Variants in ARHGAP11A observed in about 807,000 individuals in gnomAD.
ARHGAP11A encodes the protein rho GTPase-activating protein 11A.
A neutral mutation model predicts 60.5 loss-of-function variants in ARHGAP11A; 36 were observed. That is an observed-to-expected ratio of 0.59 (90% CI 0.46 to 0.79). The LOEUF (loss-of-function observed/expected upper bound fraction) is 0.79, where lower values mean the gene tolerates loss of function less well. Among genes scored for constraint, ARHGAP11A ranks in the 30% least tolerant of loss-of-function variants. The pLI is 0.00. For missense variants in ARHGAP11A, 1,071 were observed against 1,199.2 expected, an observed-to-expected ratio of 0.89 and a Z score of 1.58; for synonymous variants, 362 against 415.5, an observed-to-expected ratio of 0.87 and a Z score of 1.57.
At chr15:32,626,377 T>G (rs1470497043) in intron 6 of ARHGAP11A, among the ~76,000 whole-genome samples, 1 of 152,190 alleles carries the variant, frequency 6.6e-6, no homozygotes, top group Non-Finnish European at 1.5e-5. Flanking sequence ...CATCATAAGA[T>G]GGTAGAGTTG....
In ARHGAP11A at chr15:32,616,263, T is replaced by C; in HGVS notation, c.52T>C (p.Phe18Leu). 2 of 1,614,104 alleles carry C rather than the reference T, an allele frequency of 1.2e-6. No individual in the cohort carries two copies. The highest frequency in any genetic ancestry group is 1.7e-6 in the Non-Finnish European group (2 of 1,180,018). ...RLALLQHLRA[F>L]YGIKVKGVRG... is the part of the protein sequence containing the mutation. ...GGCCCTGTTGCAGCATCTGCGGGCC[T>C]TCTATGGTATTAAGGTGAAGGGTGT... is the stretch of plus-strand genomic sequence containing the variant. The change falls in exon 1 of 12, where the codon TTC (phenylalanine) becomes CTC (leucine). Residue 18 changes from phenylalanine to leucine, a missense_variant. Phe to Leu is a conservative substitution (Grantham distance 22). Coordinates refer to ENST00000361627, the MANE Select transcript of ARHGAP11A (RefSeq NM_014783.6).
intron 8 of ARHGAP11A, among the ~76,000 whole-genome samples, chr15:32,631,829 C>T (rs993695497): frequency 1.3e-5 from 2 of 151,808 alleles, no homozygotes; most frequent in African/African-American, 4.8e-5. Context: ...GCATGCACCA[C>T]CACACCCAGC....
intron 1 of ARHGAP11A, among the ~76,000 whole-genome samples, chr15:32,619,163 A>G (rs1251869105): frequency 6.8e-6 from 1 of 146,922 alleles, no homozygotes; most frequent in Non-Finnish European, 1.5e-5. Flanking sequence ...CTCATAAAAC[A>G]TAAATACTTC....
chr15:32,616,067 G>A lies in ARHGAP11A; in HGVS notation c.-145G>A. The A allele has an allele frequency of 1.7e-6, 2 of 1,205,272 alleles. No individual in the cohort carries two copies. Among genetic ancestry groups the A allele is most frequent in the East Asian group, 2.5e-5 (1 of 39,462 alleles). The allele number at this position is 1,205,272 out of a possible 1,614,324, so 74.7% of individuals were successfully genotyped here. A position where few individuals can be genotyped will look rare whatever the true frequency, so the allele number is the denominator to read the frequency against. ...AAGGAAAAGCCGTGGAAGTGGCCGG[G>A]GGTCGGGGCCGCAGAAGTGCCAGAC... On this transcript the variant is annotated 5_prime_UTR_variant, in exon 1 of 12. Coordinates refer to ENST00000361627, the MANE Select transcript of ARHGAP11A (RefSeq NM_014783.6).
intron 11 of ARHGAP11A, 62 bp downstream of exon 11, chr15:32,635,977 T>C (rs778810420): frequency 7.3e-6 from 11 of 1,510,878 alleles, no homozygotes; most frequent in African/African-American, 1.4e-5. Context: ...GCTTTTTTAA[T>C]GGCAAAACAT....
chr15:32,635,853 T>C lies in ARHGAP11A; in HGVS notation c.1421T>C (p.Ile474Thr). The C allele has an allele frequency of 2.5e-6, 4 of 1,611,368 alleles. No homozygotes were observed. The highest frequency in any genetic ancestry group is 2.5e-6 in the Non-Finnish European group (3 of 1,179,216). The change falls in exon 11 of 12, where the codon ATT becomes ACT. Residue 474 changes from isoleucine to threonine, a missense_variant. By Grantham distance (89) the Ile-to-Thr change is moderately conservative. This residue lies in a region of ARHGAP11A where 776 missense variants were observed against 760.2 expected (regional missense o/e 1.02). Transcript: ENST00000361627. ...AATCAACAAAGTTTAAAAAATCGAA[T>C]TGAATCTGTAAAAACAGGTTTGCTT... ...LANQQSLKNR[I>T]ESVKTGLLFS...
intron 8 of ARHGAP11A, among the ~76,000 whole-genome samples, chr15:32,631,274 T>C (rs2053576605): frequency 6.6e-6 from 1 of 150,684 alleles, no homozygotes; most frequent in Non-Finnish European, 1.5e-5. Flanking sequence ...CTGTAGTCCA[T>C]AGAGTATCTA....
rs560315212 is a variant in ARHGAP11A at position 32,619,277 on chromosome 15, G to T, written c.130-831G>T. Among the ~76,000 whole-genome samples the T allele has an allele frequency of 8.5e-5, 13 of 152,310 alleles. No homozygotes were observed. The East Asian group carries it at 2.3e-3, about 27-fold the overall frequency. The stretch of plus-strand genomic sequence containing the variant: ...AGATTATGCATACCCACTTAAGTTT[G>T]AATAACCAGACATTTACAGGCTTGA... On this transcript the variant is annotated intron_variant, in intron 1 of 11. Transcript: ENST00000361627.
At position 32,638,757 on chromosome 15, in the gene ARHGAP11A, G is replaced by A. The variant is rs923491054; in HGVS notation, c.*912G>A. Reference sequence around the variant, plus strand: ...AAAATATGTTCATATATTATGATGTGGAAATAATTGATAACTTTTAAGCCA... The same window carrying A: ...AAAATATGTTCATATATTATGATGTAGAAATAATTGATAACTTTTAAGCCA... On this transcript the variant is annotated 3_prime_UTR_variant, in exon 12 of 12. Transcript: ENST00000361627. 5 of 152,454 alleles carry A rather than the reference G, an allele frequency of 3.3e-5. No homozygotes were observed. The highest frequency in any genetic ancestry group is 1.2e-4 in the African/African-American group (5 of 41,372). 9.4% of individuals were successfully genotyped at this position (152,454 alleles called of 1,614,324 possible).
chr15:32,618,173 G>A (rs1337149727), intron 1 of ARHGAP11A, among the ~76,000 whole-genome samples: 1 of 152,150 alleles, frequency 6.6e-6, no homozygotes, highest in East Asian at 1.9e-4. Flanking sequence ...TTCTTTAGCC[G>A]ACTGGTGTTT....
At chr15:32,635,450 G>C (rs1179057537) in intron 10 of ARHGAP11A, among the ~76,000 whole-genome samples, 2 of 152,090 alleles carry the variant, frequency 1.3e-5, no homozygotes, top group Non-Finnish European at 2.9e-5. Context: ...ATTACATAAG[G>C]ATAAGATTTT....
At chr15:32,627,072 CCCAGTCCTGTAGTTTCAGTTATCA>C (rs2053475585) in intron 6 of ARHGAP11A, among the ~76,000 whole-genome samples, 2 of 152,246 alleles carry the variant, frequency 1.3e-5, no homozygotes, top group East Asian at 3.9e-4. Context: ...TGCCCTCTTT[CCCAGTCCTGTAGTTTCAGTTATCA>C]CCAGTCCTGT....
chr15:32,621,821 C>CAAA (rs376053100), intron 2 of ARHGAP11A, among the ~76,000 whole-genome samples: 14 of 120,886 alleles, frequency 1.2e-4, no homozygotes, highest in African/African-American at 2.3e-4. Flanking sequence ...GACTCCGTCT[C>CAAA]AAAAAAAAAA....
intron 2 of ARHGAP11A, among the ~76,000 whole-genome samples, chr15:32,622,738 T>C (rs895602457): frequency 2.0e-5 from 3 of 151,816 alleles, no homozygotes; most frequent in Admixed American, 1.3e-4. Flanking sequence ...CCCCTTAATA[T>C]GAAAAGGCTT....
chr15:32,623,017 ACAGGGAAGGGAT>A (rs2053375019), intron 2 of ARHGAP11A, among the ~76,000 whole-genome samples: 1 of 151,078 alleles, frequency 6.6e-6, no homozygotes, highest in African/African-American at 2.4e-5. Context: ...TTTGAGATGA[ACAGGGAAGGGAT>A]CAGGTGTGTC....
intron 8 of ARHGAP11A, 96 bp from the exon 9 acceptor site, chr15:32,632,883 A>G: frequency 8.6e-7 from 1 of 1,156,924 alleles, no homozygotes; most frequent in Non-Finnish European, 1.2e-6. Flanking sequence ...CTTGGGATAG[A>G]AATTAAGGCT....
In ARHGAP11A at chr15:32,615,947, G is replaced by C. The variant is rs2053127923; in HGVS notation, c.-265G>C. The C allele has an allele frequency of 5.7e-6, 3 of 523,960 alleles. No individual in the cohort carries two copies. The highest frequency in any genetic ancestry group is 1.0e-5 in the Non-Finnish European group (3 of 299,772). The allele number at this position is 523,960 out of a possible 1,614,324, so 32.5% of individuals were successfully genotyped here. A position where few individuals can be genotyped will look rare whatever the true frequency, so the allele number is the denominator to read the frequency against. ...AGTAGCTGAAAGCATTGGGTGACCA[G>C]AAAGAAGGTCGGTGTAAGTGAAGGA... is the stretch of plus-strand genomic sequence containing the variant. On this transcript the variant is annotated 5_prime_UTR_variant, in exon 1 of 12. Transcript: ENST00000361627.
At position 32,636,786 on chromosome 15, in the gene ARHGAP11A, G is replaced by A. The variant is rs754481526; in HGVS notation, c.2013G>A (p.Glu671=). 1.9e-6 allele frequency: 3 copies of A among 1,611,312 alleles called. No homozygotes were observed. Residue 671 remains glutamate (E), a synonymous_variant, in exon 12 of 12, where the codon GAG becomes GAA. Coordinates refer to ENST00000361627, the MANE Select transcript of ARHGAP11A (RefSeq NM_014783.6). ...HTGKGEKCFS[E]RDFSPLQTQT... is the part of the protein sequence containing the mutation. ...GTAAAGGTGAAAAATGTTTTTCAGA[G>A]AGGGACTTTTCACCCCTTCAAACTC...
At chr15:32,623,376 G>C (rs1322917471) in intron 2 of ARHGAP11A, 116 bp from the exon 3 acceptor site, 8 of 866,818 alleles carry the variant, frequency 9.2e-6, no homozygotes, top group Middle Eastern at 4.9e-4. Context: ...AGACTACAGA[G>C]ATTTGTGGCT....
Sources: gnomAD v4.1 joint callset for allele counts (sites outside exome capture counted in the v4.1 genomes callset) on GRCh38, gnomAD v4.1.1 for gene constraint, gnomAD v4.1.1 regional missense constraint, MANE v1.5 for transcripts, NCBI Gene and HGNC (gene_info 2026-07-23, HGNC 2026-07-21) for gene names.